Variants in FAM13C observed in about 807,000 individuals in gnomAD.
FAM13C encodes the protein family with sequence similarity 13 member C, also known as protein FAM13C.
In FAM13C, 37 loss-of-function variants were observed where a neutral mutation model predicts 73.2. The observed-to-expected ratio is 0.51, with a 90% confidence interval of 0.39 to 0.67. The LOEUF (loss-of-function observed/expected upper bound fraction) is 0.67. FAM13C is among the 30% of genes least tolerant of loss of function. FAM13C has a pLI of 0.00. For missense variants in FAM13C, 589 were observed against 715.6 expected, an observed-to-expected ratio of 0.82 and a Z score of 2.02; for synonymous variants, 246 against 260.9, an observed-to-expected ratio of 0.94 and a Z score of 0.55.
At chr10:59,330,398 C>G (rs1448448023) in intron 3 of FAM13C, among the ~76,000 whole-genome samples, 1 of 152,058 alleles carries the variant, frequency 6.6e-6, no homozygotes, top group Non-Finnish European at 1.5e-5. Flanking sequence ...AATGTAACAG[C>G]TGGGGTGGGT....
At chr10:59,361,505 C>A (rs536786365) in intron 1 of FAM13C, among the ~76,000 whole-genome samples, 3 of 152,080 alleles carry the variant, frequency 2.0e-5, no homozygotes, top group South Asian at 2.1e-4. Context: ...TTTACACATG[C>A]CTTTTTCCTG....
chr10:59,254,268 TATA>T (rs761981468), intron 11 of FAM13C, 77 bp downstream of exon 11: 1 of 959,878 alleles, frequency 1.0e-6, no homozygotes, highest in East Asian at 2.8e-5. Flanking sequence ...AAGGGTCTTT[TATA>T]ACTCTTGTAC....
chr10:59,269,182 CTCTT>C (rs1467939376), intron 7 of FAM13C, among the ~76,000 whole-genome samples: 1 of 152,034 alleles, frequency 6.6e-6, no homozygotes, highest in East Asian at 1.9e-4. Flanking sequence ...AATTCACTAA[CTCTT>C]TCAGGTCCAT....
At chr10:59,310,644 G>A (rs1363315950) in intron 4 of FAM13C, among the ~76,000 whole-genome samples, 1 of 152,018 alleles carries the variant, frequency 6.6e-6, no homozygotes. Flanking sequence ...CGAAGTCCAT[G>A]GATGTTCAGA....
At chr10:59,352,199 C>T (rs1353612145) in intron 3 of FAM13C, 71 bp downstream of exon 3, 5 of 1,560,266 alleles carry the variant, frequency 3.2e-6, no homozygotes, top group Non-Finnish European at 4.4e-6. Flanking sequence ...CTCAAATCGT[C>T]TGCCAGAACC....
At chr10:59,329,472 G>C (rs1267038485) in intron 3 of FAM13C, among the ~76,000 whole-genome samples, 5 of 146,262 alleles carry the variant, frequency 3.4e-5, no homozygotes, top group Non-Finnish European at 6.0e-5. Context: ...CGATTCTCCT[G>C]CCTCAGCCTC....
intron 3 of FAM13C, among the ~76,000 whole-genome samples, chr10:59,336,132 G>T (rs1422797955): frequency 6.6e-6 from 1 of 152,146 alleles, no homozygotes; most frequent in Non-Finnish European, 1.5e-5. Flanking sequence ...CCAGACAAGG[G>T]ACTACTAGGC....
In FAM13C at chr10:59,268,553, C is replaced by A. The variant is rs911628152; in HGVS notation, c.942G>T (p.Arg314=). 3.1e-6 allele frequency: 5 copies of A among 1,613,640 alleles called. No homozygotes were observed. In the Admixed American group the frequency reaches 5.0e-5, roughly 16 times the overall value. ...EEKFEQEKKY[R]PSHGDKTSNP... is the part of the protein sequence containing the mutation. ...CTATGTCAAACCCCAGGGTTCTTAC[C>A]CGGTATTTCTTTTCTTGTTCAAATT... Residue 314 remains arginine (R), a splice_region_variant and synonymous_variant, in exon 8 of 14, where the codon CGG becomes CGT. Transcript: ENST00000618804.
chr10:59,355,842 G>A (rs748883865), intron 2 of FAM13C, 45 bp downstream of exon 2: 7 of 1,567,552 alleles, frequency 4.5e-6, no homozygotes, highest in Admixed American at 3.3e-5. Flanking sequence ...GACCTAGATG[G>A]CTTCTGTCTC....
intron 10 of FAM13C, among the ~76,000 whole-genome samples, chr10:59,259,066 C>A (rs1201724055): frequency 6.6e-6 from 1 of 152,136 alleles, no homozygotes; most frequent in East Asian, 1.9e-4. Flanking sequence ...CATAAATAGG[C>A]ACTACAGTTC....
intron 9 of FAM13C, 117 bp from the exon 10 acceptor site, chr10:59,262,762 T>C: frequency 1.2e-6 from 1 of 850,998 alleles, no homozygotes; most frequent in Non-Finnish European, 1.8e-6. Flanking sequence ...ACACTAATGA[T>C]GGCTTTCCAC....
chr10:59,344,239 G>T (rs1215267579), intron 3 of FAM13C, among the ~76,000 whole-genome samples: 3 of 150,574 alleles, frequency 2.0e-5, no homozygotes, highest in African/African-American at 7.3e-5. Context: ...TGGGATTACA[G>T]GCATGAGCCG....
chr10:59,314,993 G>C (rs1461230930), intron 4 of FAM13C, among the ~76,000 whole-genome samples: 1 of 152,096 alleles, frequency 6.6e-6, no homozygotes, highest in Non-Finnish European at 1.5e-5. Flanking sequence ...AGTTTTCCCA[G>C]TTAACAAAAA....
intron 13 of FAM13C, 45 bp downstream of exon 13, chr10:59,251,530 T>G (rs998839989): frequency 1.7e-5 from 26 of 1,536,360 alleles, no homozygotes; most frequent in Non-Finnish European, 2.2e-5. Flanking sequence ...TAACAGCAAT[T>G]CTCTAGGAAG....
At chr10:59,262,692 T>C (rs368763247) in intron 9 of FAM13C, 47 bp from the exon 10 acceptor site, 17 of 1,502,810 alleles carry the variant, frequency 1.1e-5, no homozygotes, top group Non-Finnish European at 1.6e-5. Context: ...AACCCACTAG[T>C]TCTAAGAATG....
chr10:59,303,241 G>A (rs966591745), intron 4 of FAM13C, among the ~76,000 whole-genome samples: 6 of 152,082 alleles, frequency 3.9e-5, no homozygotes, highest in Non-Finnish European at 5.9e-5. Context: ...TGTATGCATC[G>A]GCTCAGCTCA....
At chr10:59,275,753 C>T (rs1038064916) in intron 6 of FAM13C, among the ~76,000 whole-genome samples, 1 of 152,154 alleles carries the variant, frequency 6.6e-6, no homozygotes, top group African/African-American at 2.4e-5. Flanking sequence ...AGGCAAGTCT[C>T]TTCAAATTCA....
At chr10:59,251,120 T>C (rs1186454271) in intron 13 of FAM13C, 2 of 174,740 alleles carry the variant, frequency 1.1e-5, no homozygotes, top group African/African-American at 4.7e-5. Flanking sequence ...TGATCGACTC[T>C]TGAAATAAAA....
chr10:59,331,495 AC>A (rs1488055935), intron 3 of FAM13C, among the ~76,000 whole-genome samples: 1 of 151,778 alleles, frequency 6.6e-6, no homozygotes, highest in Non-Finnish European at 1.5e-5. Flanking sequence ...ATCATGTGAA[AC>A]CTCTAAGTAT....
Sources: gnomAD v4.1 joint callset for allele counts (sites outside exome capture counted in the v4.1 genomes callset) on GRCh38, gnomAD v4.1.1 for gene constraint, MANE v1.5 for transcripts, NCBI Gene and HGNC (gene_info 2026-07-23, HGNC 2026-07-21) for gene names.